Variants in VPS37C observed in about 807,000 individuals in gnomAD.
VPS37C encodes VPS37C subunit of ESCRT-I.
A neutral mutation model predicts 16.1 loss-of-function variants in VPS37C; 9 were observed. That is an observed-to-expected ratio of 0.56 (90% confidence interval 0.34 to 0.97). VPS37C has a LOEUF of 0.97. VPS37C is among the 50% of genes least tolerant of loss of function. VPS37C has a pLI of 0.02. For missense variants in VPS37C, 479 were observed against 472.7 expected, an observed-to-expected ratio of 1.01 and a Z score of -0.12; for synonymous variants, 207 against 206.4, an observed-to-expected ratio of 1.00 and a Z score of -0.02.
rs569316067 is a variant in VPS37C at position 61,135,890 on chromosome 11, T to C, written c.94-1683A>G. ...TCTAAACCAACAAATCGACGCTGTA[T>C]CATTTTCCCCTAAATCTTGCCCTAC... On this transcript the variant is annotated intron_variant, in intron 2 of 4. Coordinates refer to ENST00000301765, the MANE Select transcript of VPS37C (RefSeq NM_017966.5). Among the ~76,000 whole-genome samples the C allele has an allele frequency of 2.6e-5, 4 of 152,318 alleles. No individual in the cohort carries two copies. The South Asian group carries it at 8.3e-4, about 32-fold the overall frequency.
intron 1 of VPS37C, 52 bp from the exon 2 acceptor site, chr11:61,138,887 A>AC: frequency 6.5e-7 from 1 of 1,544,350 alleles, no homozygotes; most frequent in Non-Finnish European, 8.9e-7. Context: ...AGACGAAGGG[A>AC]CCCCCGAGCC....
At chr11:61,136,562 C>T (rs926255493) in intron 2 of VPS37C, among the ~76,000 whole-genome samples, 3 of 152,020 alleles carry the variant, frequency 2.0e-5, no homozygotes, top group Admixed American at 6.6e-5. Context: ...AATTGCATAT[C>T]GATGCATATT....
chr11:61,133,481 G>A, intron 3 of VPS37C, 144 bp from the exon 4 acceptor site: 1 of 778,336 alleles, frequency 1.3e-6, no homozygotes, highest in South Asian at 1.7e-5. Context: ...GGCTTGATGA[G>A]CACTTTTGGT....
intron 1 of VPS37C, among the ~76,000 whole-genome samples, chr11:61,140,967 T>TA (rs1169373334): frequency 6.6e-6 from 1 of 152,062 alleles, no homozygotes; most frequent in Non-Finnish European, 1.5e-5. Context: ...TCCCAACACT[T>TA]TGGGAGACCA....
chr11:61,144,852 T>C (rs367890147), intron 1 of VPS37C: 2 of 152,396 alleles, frequency 1.3e-5, no homozygotes, highest in African/African-American at 4.8e-5. Context: ...ACCAAGCTGC[T>C]ACCTCCTCTG....
intron 1 of VPS37C, among the ~76,000 whole-genome samples, chr11:61,149,526 C>T (rs1477675522): frequency 6.6e-6 from 1 of 152,154 alleles, no homozygotes; most frequent in Non-Finnish European, 1.5e-5. Context: ...TATTAATTCC[C>T]ACTCCCTCAC....
intron 1 of VPS37C, among the ~76,000 whole-genome samples, chr11:61,142,975 TAAAAA>T: frequency 2.1e-5 from 1 of 47,590 alleles, no homozygotes; most frequent in African/African-American, 7.5e-5. Context: ...AAAGAATAGC[TAAAAA>T]AAAAAAAAAA....
At chr11:61,152,853 A>G (rs1175520530) in intron 1 of VPS37C, among the ~76,000 whole-genome samples, 2 of 152,168 alleles carry the variant, frequency 1.3e-5, no homozygotes, top group Non-Finnish European at 2.9e-5. Flanking sequence ...ACTCTTTCCT[A>G]CACTTTCCCC....
chr11:61,150,008 G>A (rs376829930), intron 1 of VPS37C, among the ~76,000 whole-genome samples: 58 of 152,200 alleles, frequency 3.8e-4, no homozygotes, highest in East Asian at 3.3e-3. Context: ...CCCCTAGGTC[G>A]CTGGCTTGGC....
At chr11:61,141,387 AAAGT>A (rs1377744091) in intron 1 of VPS37C, among the ~76,000 whole-genome samples, 1 of 151,814 alleles carries the variant, frequency 6.6e-6, no homozygotes, top group Non-Finnish European at 1.5e-5. Flanking sequence ...AAAAGAAAAG[AAAGT>A]AAGTAAAAGC....
At chr11:61,157,362 C>T (rs572156882) in intron 1 of VPS37C, among the ~76,000 whole-genome samples, 2 of 152,312 alleles carry the variant, frequency 1.3e-5, no homozygotes, top group South Asian at 4.1e-4. Flanking sequence ...CAGAAAAGCA[C>T]AAGCGTTTCA....
Position 61,138,813 on chromosome 11 carries a change from T to A in VPS37C, c.17A>T (p.Asp6Val). 6.2e-7 allele frequency: 1 copy of A among 1,614,122 alleles called. No individual in the cohort carries two copies. Among genetic ancestry groups the A allele is most frequent in the Non-Finnish European group, 8.5e-7 (1 of 1,180,022 alleles). METLK[D>V]KTLQELEELQ... ...CTCCTCCAGCTCCTGCAGGGTCTTA[T>A]CCTTCAGCGTCTCCATCCTTCCCTG... Residue 6 changes from aspartate to valine, a missense_variant, in exon 2 of 5, where the codon GAT (aspartate) becomes GTT (valine). By Grantham distance (152) the Asp-to-Val change is radical. Coordinates refer to ENST00000301765, the MANE Select transcript of VPS37C (RefSeq NM_017966.5).
intron 1 of VPS37C, among the ~76,000 whole-genome samples, chr11:61,158,306 A>G (rs576251300): frequency 3.9e-5 from 6 of 152,354 alleles, no homozygotes; most frequent in African/African-American, 1.2e-4. Context: ...CCCTCTCTCA[A>G]TAACTGAAAG....
In VPS37C at chr11:61,157,415, G is replaced by T. The variant is rs939935693; in HGVS notation, c.-7+3976C>A. 7.9e-5 allele frequency among the ~76,000 whole-genome samples: 5 copies of T among 63,310 alleles called. 1 individual carries two copies. The highest frequency in any genetic ancestry group is 1.6e-4 in the African/African-American group (1 of 6,064). The allele number at this position is 63,310 out of a possible 152,430, so 41.5% of individuals were successfully genotyped here. A position where few individuals can be genotyped will look rare whatever the true frequency, so the allele number is the denominator to read the frequency against. ...TCAACACTTATTATTTACTGTTGTT[G>T]TTTTTTTTCAATAGCCATCCTAATG... On this transcript the variant is annotated intron_variant, in intron 1 of 4. Transcript: ENST00000301765.
At chr11:61,133,164 C>A (rs1287506008) in intron 4 of VPS37C, 91 bp downstream of exon 4, 1 of 1,399,148 alleles carries the variant, frequency 7.1e-7, no homozygotes, top group Non-Finnish European at 1.0e-6. Flanking sequence ...TTGTTCCATG[C>A]TTTGCAGACA....
Position 61,130,480 on chromosome 11 carries a change from T to TCCTTGGCC in VPS37C, c.*1332_*1339dup, listed in dbSNP as rs1370608335. On this transcript the variant is annotated 3_prime_UTR_variant, in exon 5 of 5. Transcript: ENST00000301765. Reference sequence around the variant, plus strand: ...GCAGGCACCAGAAGGTCAAGGTCCCTCCTTGGCCCCAGCAGCCCCGGGCCC... The same window carrying TCCTTGGCC: ...GCAGGCACCAGAAGGTCAAGGTCCCTCCTTGGCCCCTTGGCCCCAGCAGCCCCGGGCCC... 1.5e-5 allele frequency: 3 copies of TCCTTGGCC among 195,520 alleles called. No homozygotes were observed. The highest frequency in any genetic ancestry group is 3.1e-5 in the Non-Finnish European group (3 of 96,072). 12.1% of individuals were successfully genotyped at this position (195,520 alleles called of 1,614,324 possible). A position where few individuals can be genotyped will look rare whatever the true frequency, so the allele number is the denominator to read the frequency against.
Position 61,131,747 on chromosome 11 carries a change from G to A in VPS37C, c.*73C>T, listed in dbSNP as rs113515680. 2.3e-5 allele frequency: 29 copies of A among 1,234,496 alleles called. No individual in the cohort carries two copies. In the African/African-American group the frequency reaches 2.6e-4, roughly 11 times the overall value. 76.5% of individuals were successfully genotyped at this position (1,234,496 alleles called of 1,614,324 possible). A position where few individuals can be genotyped will look rare whatever the true frequency, so the allele number is the denominator to read the frequency against. ...CCAACGCCACTTCCAGTTGACCCTCGAATCTCGGCGATGGCTGGGCCAAAG... is the reference window on the plus strand; with the variant it reads ...CCAACGCCACTTCCAGTTGACCCTCAAATCTCGGCGATGGCTGGGCCAAAG... On this transcript the variant is annotated 3_prime_UTR_variant, in exon 5 of 5. Transcript: ENST00000301765.
At position 61,131,457 on chromosome 11, in the gene VPS37C, A is replaced by C; in HGVS notation, c.*363T>G. 1.0e-5 allele frequency: 2 copies of C among 198,530 alleles called. No individual in the cohort carries two copies. The highest frequency in any genetic ancestry group is 1.0e-5 in the Non-Finnish European group (1 of 98,870). 12.3% of individuals were successfully genotyped at this position (198,530 alleles called of 1,614,324 possible). On this transcript the variant is annotated 3_prime_UTR_variant, in exon 5 of 5. Transcript: ENST00000301765. ...GGCTGGAGACCCGGGGCCTCCTCAT[A>C]GAGATAACTCTGCACTGGGTTCAAA...
chr11:61,134,183 C>T lies in VPS37C; in HGVS notation c.118G>A (p.Glu40Lys). The T allele has an allele frequency of 1.2e-6, 2 of 1,613,828 alleles. No homozygotes were observed. Among genetic ancestry groups the T allele is most frequent in the Non-Finnish European group, 1.7e-6 (2 of 1,179,824 alleles). Residue 40 changes from glutamate to lysine, a missense_variant, in exon 3 of 5, where the codon GAG (glutamate) becomes AAG (lysine). By Grantham distance (56) the Glu-to-Lys change is moderately conservative (BLOSUM62 1). Transcript: ENST00000301765. Reference sequence around the variant, plus strand: ...CTCCGGTTGGTGGCCAGTGCCATCTCCCGTTCCAGCTGTAGGTCCTGGACC... The same window carrying T: ...CTCCGGTTGGTGGCCAGTGCCATCTTCCGTTCCAGCTGTAGGTCCTGGACC... Reference protein sequence around the residue: ...PEVQDLQLEREMALATNRSLA... With the variant: ...PEVQDLQLERKMALATNRSLA...
Sources: allele counts gnomAD v4.1 joint callset (sites outside exome capture counted in the v4.1 genomes callset), GRCh38; gene constraint gnomAD v4.1.1; transcripts MANE v1.5; gene names NCBI Gene and HGNC (gene_info 2026-07-23, HGNC 2026-07-21).